Variants in B3GLCT observed in about 807,000 individuals in gnomAD.
B3GLCT encodes beta-1,3-glucosyltransferase.
In B3GLCT, 65 loss-of-function variants were observed where a neutral mutation model predicts 63.4. The ratio of observed to expected loss-of-function variants is 1.03; its 90% CI spans 0.84 to 1.26. The LOEUF is 1.26. Among genes scored for constraint, B3GLCT ranks in the 50% most tolerant of loss-of-function variants. B3GLCT has a pLI of 0.00. For missense variants in B3GLCT, 577 were observed against 604.8 expected (o/e 0.95, Z 0.48); for synonymous variants, 233 against 219.2 (o/e 1.06, Z -0.55).
At chr13:31,319,877 A>G (rs1355663296) in intron 13 of B3GLCT, among the ~76,000 whole-genome samples, 2 of 152,156 alleles carry the variant, frequency 1.3e-5, no homozygotes, top group Non-Finnish European at 2.9e-5. Flanking sequence ...ATTGGCATAT[A>G]TGAGTTCTTA....
intron 1 of B3GLCT, among the ~76,000 whole-genome samples, chr13:31,208,748 A>G (rs1291105836): frequency 6.6e-6 from 1 of 150,886 alleles, no homozygotes; most frequent in Middle Eastern, 3.2e-3. Flanking sequence ...CACTGCCTCC[A>G]GAAAGCTGTC....
At chr13:31,210,086 C>T (rs144754835) in intron 1 of B3GLCT, among the ~76,000 whole-genome samples, 57 of 152,220 alleles carry the variant, frequency 3.7e-4, no homozygotes, top group African/African-American at 1.3e-3. Context: ...AAATCTTAGT[C>T]CCAGGTTAGT....
At chr13:31,296,250 C>T (rs543828094) in intron 12 of B3GLCT, among the ~76,000 whole-genome samples, 1 of 152,316 alleles carries the variant, frequency 6.6e-6, no homozygotes, top group African/African-American at 2.4e-5. Flanking sequence ...CGGAGCTGTT[C>T]CTATTTGGCC....
chr13:31,240,883 ATACT>A (rs1482012382), intron 4 of B3GLCT, among the ~76,000 whole-genome samples: 2 of 152,246 alleles, frequency 1.3e-5, no homozygotes, highest in Non-Finnish European at 2.9e-5. Context: ...TATTGATTGA[ATACT>A]TACTTTGGGC....
chr13:31,326,104 C>A (rs1875589999), intron 14 of B3GLCT, among the ~76,000 whole-genome samples: 1 of 151,982 alleles, frequency 6.6e-6, no homozygotes. Flanking sequence ...AGTTTTAGAC[C>A]ACCGTTATGG....
At chr13:31,228,410 C>T (rs1207304110) in intron 3 of B3GLCT, among the ~76,000 whole-genome samples, 2 of 152,160 alleles carry the variant, frequency 1.3e-5, no homozygotes, top group African/African-American at 2.4e-5. Context: ...TAACAAAGTA[C>T]CACAAAACGT....
chr13:31,250,833 G>A (rs763942669), intron 6 of B3GLCT, among the ~76,000 whole-genome samples: 10 of 152,212 alleles, frequency 6.6e-5, no homozygotes, highest in Non-Finnish European at 1.3e-4. Context: ...AGAGAGCAGC[G>A]GATCTCTCAG....
intron 1 of B3GLCT, among the ~76,000 whole-genome samples, chr13:31,202,118 A>G (rs887768340): frequency 1.3e-5 from 2 of 152,258 alleles, no homozygotes; most frequent in African/African-American, 4.8e-5. Flanking sequence ...GTTCTGTCAC[A>G]TGTGAACAAT....
At chr13:31,241,668 C>G (rs1010515777) in intron 4 of B3GLCT, among the ~76,000 whole-genome samples, 5 of 152,154 alleles carry the variant, frequency 3.3e-5, no homozygotes, top group Non-Finnish European at 7.3e-5. Flanking sequence ...TCTGGACATG[C>G]CAGTAAAGGC....
intron 4 of B3GLCT, among the ~76,000 whole-genome samples, chr13:31,246,315 C>G (rs1244083002): frequency 1.3e-5 from 2 of 152,150 alleles, no homozygotes; most frequent in Non-Finnish European, 2.9e-5. Context: ...AAAGCTAACA[C>G]TCGTAGCCTT....
Position 31,275,079 on chromosome 13 carries a change from C to T in B3GLCT, c.780+451C>T, listed in dbSNP as rs138525735. On this transcript the variant is annotated intron_variant, in intron 9 of 14. Coordinates refer to ENST00000343307, the MANE Select transcript of B3GLCT (RefSeq NM_194318.4). Reference sequence around the variant, plus strand: ...AGTATTCCTTGGTATATCTGTACCACATTTTCTTTATTCAGTCCACCATTA... The same window carrying T: ...AGTATTCCTTGGTATATCTGTACCATATTTTCTTTATTCAGTCCACCATTA... Among the ~76,000 whole-genome samples the T allele has an allele frequency of 5.3e-3, 805 of 152,314 alleles. 3 individuals are homozygous for T. Among genetic ancestry groups the T allele is most frequent in the Middle Eastern group, 0.014 (4 of 294 alleles).
At position 31,330,192 on chromosome 13, in the gene B3GLCT, A is replaced by G. The variant is rs935667547; in HGVS notation, c.*524A>G. 5.9e-6 allele frequency: 1 copy of G among 169,966 alleles called. No individual in the cohort carries two copies. Among genetic ancestry groups the G allele is most frequent in the African/African-American group, 2.4e-5 (1 of 41,608 alleles). The allele number at this position is 169,966 out of a possible 1,614,324, so 10.5% of individuals were successfully genotyped here. On this transcript the variant is annotated 3_prime_UTR_variant, in exon 15 of 15. Coordinates refer to ENST00000343307, the MANE Select transcript of B3GLCT (RefSeq NM_194318.4). ...GGGAACTCAGTAGGAATAATACCGT[A>G]TTAAGGAATAATACTGTACATAAAA... is the stretch of plus-strand genomic sequence containing the variant.
At chr13:31,259,743 A>AG (rs1385909550) in intron 6 of B3GLCT, among the ~76,000 whole-genome samples, 3 of 151,732 alleles carry the variant, frequency 2.0e-5, no homozygotes, top group Non-Finnish European at 2.9e-5. Context: ...AAACTCCTTG[A>AG]GGAAAGGAGG....
In B3GLCT at chr13:31,276,723, G is replaced by A. The variant is rs966731341; in HGVS notation, c.802G>A (p.Asp268Asn). Reference protein sequence around the residue: ...PLCRKPVKKKDIFVAVKTCKK... With the variant: ...PLCRKPVKKKNIFVAVKTCKK... ...TTAGAGAAAGCCAGTGAAGAAGAAG[G>A]ATATTTTTGTTGCAGTAAAAACATG... The change falls in exon 10 of 15, where the codon GAT becomes AAT. Residue 268 changes from aspartate (D) to asparagine (N), a missense_variant. Physicochemically the swap from Asp to Asn is conservative, Grantham distance 23. Transcript: ENST00000343307. 6.2e-7 allele frequency: 1 copy of A among 1,612,958 alleles called. No homozygotes were observed. Among genetic ancestry groups the A allele is most frequent in the Non-Finnish European group, 8.5e-7 (1 of 1,179,194 alleles).
At chr13:31,265,038 G>A (rs774022307) in intron 7 of B3GLCT, among the ~76,000 whole-genome samples, 12 of 152,086 alleles carry the variant, frequency 7.9e-5, no homozygotes, top group Non-Finnish European at 1.6e-4. Context: ...AGACAATAAG[G>A]GCTACATATT....
chr13:31,315,032 T>C (rs1226081670), intron 12 of B3GLCT, among the ~76,000 whole-genome samples: 4 of 152,216 alleles, frequency 2.6e-5, no homozygotes, highest in Non-Finnish European at 4.4e-5. Context: ...TCTGCCATAA[T>C]TGTGAGACCT....
At chr13:31,240,656 TGA>T (rs924923993) in intron 4 of B3GLCT, among the ~76,000 whole-genome samples, 12 of 152,130 alleles carry the variant, frequency 7.9e-5, no homozygotes, top group Non-Finnish European at 1.6e-4. Flanking sequence ...AGGTTAACTT[TGA>T]GAGTCATGAG....
chr13:31,247,255 T>A (rs1383687043), intron 5 of B3GLCT, among the ~76,000 whole-genome samples, 156 bp downstream of exon 5: 1 of 152,172 alleles, frequency 6.6e-6, no homozygotes, highest in African/African-American at 2.4e-5. Flanking sequence ...ACCAAATTTC[T>A]TGATGATTGG....
chr13:31,285,376 G>C (rs1873269203), intron 11 of B3GLCT, among the ~76,000 whole-genome samples: 1 of 152,066 alleles, frequency 6.6e-6, no homozygotes, highest in Non-Finnish European at 1.5e-5. Flanking sequence ...CTCTTCGGGT[G>C]ATGGCTTCAC....
Sources: allele counts gnomAD v4.1 joint callset (sites outside exome capture counted in the v4.1 genomes callset), GRCh38; gene constraint gnomAD v4.1.1; transcripts MANE v1.5; gene names NCBI Gene and HGNC (gene_info 2026-07-23, HGNC 2026-07-21).